The following IQUB variants were observed in gnomAD, a reference collection of about 807,000 sequenced individuals.
IQUB encodes IQ motif and ubiquitin-like domain-containing protein.
In IQUB, 86 loss-of-function variants were observed where a neutral mutation model predicts 86.4. The observed-to-expected ratio is 1.00, with a 90% CI of 0.84 to 1.19. IQUB has a LOEUF of 1.19. Ranked by LOEUF, IQUB falls within the 50% of genes most tolerant of loss-of-function variation. IQUB has a pLI of 0.00. For synonymous variants in IQUB, 289 were observed against 304.5 expected (o/e 0.95, Z 0.53); for missense variants, 946 against 916.9 (o/e 1.03, Z -0.41).
Position 123,523,627 on chromosome 7 carries a change from C to A in IQUB, c.-5+10865G>T, listed in dbSNP as rs561491343. Reference sequence around the variant, plus strand: ...AGCCCTTTGTCAGATGAGTAGGTTGCGAAAATTTTCTCCCATTTTGTAGGT... The same window carrying A: ...AGCCCTTTGTCAGATGAGTAGGTTGAGAAAATTTTCTCCCATTTTGTAGGT... On this transcript the variant is annotated intron_variant, in intron 1 of 12. Coordinates refer to ENST00000324698, the MANE Select transcript of IQUB (RefSeq NM_178827.5). 2.9e-3 allele frequency among the ~76,000 whole-genome samples: 440 copies of A among 151,354 alleles called. 7 individuals carry two copies. Among genetic ancestry groups the A allele is most frequent in the Admixed American group, 0.025 (384 of 15,210 alleles).
intron 4 of IQUB, 23 bp from the exon 5 acceptor site, chr7:123,503,139 A>G (rs1355187163): frequency 1.9e-6 from 3 of 1,610,076 alleles, no homozygotes; most frequent in African/African-American, 1.3e-5. Context: ...ACCAAGATTC[A>G]ATGAAAGCTC....
chr7:123,479,573 G>A (rs1006828507), intron 8 of IQUB, among the ~76,000 whole-genome samples: 1 of 152,076 alleles, frequency 6.6e-6, no homozygotes, highest in African/African-American at 2.4e-5. Context: ...CCTTAATTAA[G>A]AATGTATGGA....
At chr7:123,507,130 C>A (rs1382073819) in intron 3 of IQUB, among the ~76,000 whole-genome samples, 2 of 152,092 alleles carry the variant, frequency 1.3e-5, no homozygotes, top group Non-Finnish European at 2.9e-5. Flanking sequence ...CTTAGAAATC[C>A]ATCAGACACC....
chr7:123,466,401 A>G (rs910324009), intron 9 of IQUB, among the ~76,000 whole-genome samples: 19 of 152,000 alleles, frequency 1.3e-4, no homozygotes, highest in African/African-American at 3.4e-4. Flanking sequence ...CTTTTTGCCA[A>G]TCTGGTCTTT....
intron 7 of IQUB, among the ~76,000 whole-genome samples, chr7:123,493,250 G>A (rs940135489): frequency 2.0e-5 from 3 of 151,950 alleles, no homozygotes; most frequent in African/African-American, 7.3e-5. Flanking sequence ...CTAGGCATTT[G>A]GTCAGAAAAT....
chr7:123,517,070 A>G (rs143673830), intron 1 of IQUB, among the ~76,000 whole-genome samples: 2 of 152,298 alleles, frequency 1.3e-5, no homozygotes, highest in East Asian at 3.9e-4. Flanking sequence ...GGAATGCCCA[A>G]TTAGATGCCA....
At chr7:123,494,186 A>G (rs866140241) in intron 7 of IQUB, among the ~76,000 whole-genome samples, 26 of 152,260 alleles carry the variant, frequency 1.7e-4, no homozygotes, top group Non-Finnish European at 3.2e-4. Flanking sequence ...ACATACTGCT[A>G]TAAAAAGACA....
In IQUB at chr7:123,481,675, G is replaced by C. The variant is rs538171454; in HGVS notation, c.1235-1705C>G. Among the ~76,000 whole-genome samples, 30 of 152,156 alleles carry C rather than the reference G, an allele frequency of 2.0e-4. No individual in the cohort carries two copies. The South Asian group carries it at 6.0e-3, about 30-fold the overall frequency. On this transcript the variant is annotated intron_variant, in intron 7 of 12. Transcript: ENST00000324698. ...CAGAAGATGGGAAACCCCAACTTAA[G>C]CAACTTGGAACTAGAGAAAAGGGTA...
At chr7:123,515,375 C>T (rs1796595443) in intron 1 of IQUB, among the ~76,000 whole-genome samples, 1 of 151,946 alleles carries the variant, frequency 6.6e-6, no homozygotes, top group East Asian at 1.9e-4. Flanking sequence ...TCACAAAATG[C>T]ATATCTGATA....
intron 3 of IQUB, among the ~76,000 whole-genome samples, chr7:123,503,657 C>T (rs551784039): frequency 3.3e-5 from 5 of 151,842 alleles, no homozygotes; most frequent in African/African-American, 1.2e-4. Flanking sequence ...ATTACACATT[C>T]TCATTTTAAG....
At chr7:123,496,669 T>G in intron 7 of IQUB, 27 bp downstream of exon 7, 1 of 1,340,104 alleles carries the variant, frequency 7.5e-7, no homozygotes, top group Non-Finnish European at 1.0e-6. Flanking sequence ...TTAAAAATAT[T>G]TTTTGCAAAG....
intron 7 of IQUB, among the ~76,000 whole-genome samples, chr7:123,494,797 C>T (rs1222958335): frequency 1.3e-5 from 2 of 151,844 alleles, no homozygotes; most frequent in Non-Finnish European, 2.9e-5. Context: ...TTATTAATTC[C>T]TTTTGATAGA....
chr7:123,484,608 G>A (rs1438389160), intron 7 of IQUB, among the ~76,000 whole-genome samples: 1 of 151,902 alleles, frequency 6.6e-6, no homozygotes, highest in Non-Finnish European at 1.5e-5. Flanking sequence ...AGAGCACTAA[G>A]TTATTATTTT....
chr7:123,504,771 T>C (rs756947680), intron 3 of IQUB, among the ~76,000 whole-genome samples: 1 of 152,064 alleles, frequency 6.6e-6, no homozygotes, highest in Non-Finnish European at 1.5e-5. Context: ...ATCCAAACCA[T>C]ATCATTTTGC....
Position 123,452,872 on chromosome 7 carries a change from C to T in IQUB, c.2247G>A (p.Lys749=). The T allele has an allele frequency of 6.2e-7, 1 of 1,613,432 alleles. No homozygotes were observed. Among genetic ancestry groups the T allele is most frequent in the Non-Finnish European group, 8.5e-7 (1 of 1,179,616 alleles). ...GCACTGGAACCTGAGAAAAATAGTT[C>T]TTAGCCAGGATATGTTTGTGTTTGA... The part of the protein sequence containing the change: ...HKIKHKHILA[K]NYFSQVPVLA... Residue 749 remains lysine (K), a synonymous_variant, in exon 13 of 13, where the codon AAG becomes AAA. Coordinates refer to ENST00000324698, the MANE Select transcript of IQUB (RefSeq NM_178827.5).
At chr7:123,467,718 T>C (rs1484032408) in intron 9 of IQUB, among the ~76,000 whole-genome samples, 4 of 152,168 alleles carry the variant, frequency 2.6e-5, no homozygotes, top group Non-Finnish European at 5.9e-5. Context: ...GTAAGAGCTA[T>C]CATGATGAGG....
In IQUB at chr7:123,461,482, A is replaced by C; in HGVS notation, c.1882T>G (p.Cys628Gly). ...TSRRIYRCRNCINLQNEAQKR... is the reference protein window; with the variant it reads ...TSRRIYRCRNGINLQNEAQKR... ...TGAGCCTCATTCTGAAGGTTAATGC[A>C]GTTACGACACCGGTATATGCGGCGT... The change falls in exon 11 of 13, where the codon TGC becomes GGC. Residue 628 changes from cysteine (C) to glycine (G), a missense_variant. By Grantham distance (159) the Cys-to-Gly change is radical. Transcript: ENST00000324698. The C allele has an allele frequency of 1.2e-6, 2 of 1,612,584 alleles. No individual in the cohort carries two copies. Among genetic ancestry groups the C allele is most frequent in the Non-Finnish European group, 1.7e-6 (2 of 1,179,040 alleles).
At chr7:123,453,542 G>A (rs1038413052) in intron 12 of IQUB, among the ~76,000 whole-genome samples, 2 of 151,588 alleles carry the variant, frequency 1.3e-5, no homozygotes, top group African/African-American at 4.8e-5. Context: ...TTACTGAGAG[G>A]TACATGTAAT....
Position 123,502,979 on chromosome 7 carries a change from G to A in IQUB, c.832C>T (p.Pro278Ser). The part of the protein sequence containing the change: ...AGTQTVPKRI[P>S]ERLSIFCRDT... ...CTACAAAATATACTGAGTCTTTCGG[G>A]AATCCTTTTAGGTACAGTTTGTGTT... The change falls in exon 5 of 13, where the codon CCC becomes TCC. Residue 278 changes from proline to serine, a missense_variant. By Grantham distance (74) the Pro-to-Ser change is moderately conservative (BLOSUM62 -1). Coordinates refer to ENST00000324698, the MANE Select transcript of IQUB (RefSeq NM_178827.5). 3 of 1,612,112 alleles carry A rather than the reference G, an allele frequency of 1.9e-6. No individual in the cohort carries two copies. Among genetic ancestry groups the A allele is most frequent in the Non-Finnish European group, 2.5e-6 (3 of 1,179,268 alleles).
Sources: gnomAD v4.1 joint callset for allele counts (sites outside exome capture counted in the v4.1 genomes callset) on GRCh38, gnomAD v4.1.1 for gene constraint, MANE v1.5 for transcripts, NCBI Gene and HGNC (gene_info 2026-07-23, HGNC 2026-07-21) for gene names.